CPB2: variants seen among roughly 807,000 people sequenced by gnomAD.
CPB2 encodes the protein carboxypeptidase B2.
CPB2 carries 54 observed loss-of-function variants against 57.0 expected under a neutral mutation model. The ratio of observed to expected loss-of-function variants is 0.95; its 90% confidence interval spans 0.76 to 1.19. CPB2 has a LOEUF of 1.19. Among genes scored for constraint, CPB2 ranks in the 50% most tolerant of loss-of-function variants. The pLI is 0.00. For synonymous variants in CPB2, 189 were observed against 178.1 expected (o/e 1.06, Z -0.49); for missense variants, 426 against 512.0 (o/e 0.83, Z 1.62).
At chr13:46,089,970 T>TTTCAG (rs1412123159) in intron 1 of CPB2, among the ~76,000 whole-genome samples, 3 of 152,240 alleles carry the variant, frequency 2.0e-5, no homozygotes, top group African/African-American at 7.2e-5. Context: ...GTTTTATTAG[T>TTTCAG]GATTATAGCA....
chr13:46,092,707 A>G (rs1187076969), intron 1 of CPB2, among the ~76,000 whole-genome samples: 1 of 152,178 alleles, frequency 6.6e-6, no homozygotes, highest in African/African-American at 2.4e-5. Context: ...GTTGCCAAGT[A>G]TAGGATACGG....
intron 1 of CPB2, among the ~76,000 whole-genome samples, chr13:46,090,583 C>T (rs1198167354): frequency 6.6e-6 from 1 of 151,416 alleles, no homozygotes; most frequent in Non-Finnish European, 1.5e-5. Context: ...AGGCTGGTCT[C>T]GAACTCCTGA....
chr13:46,098,128 A>G (rs1169040717), intron 1 of CPB2, among the ~76,000 whole-genome samples: 3 of 152,234 alleles, frequency 2.0e-5, no homozygotes, highest in Non-Finnish European at 4.4e-5. Flanking sequence ...TCCCTTGTCC[A>G]AATTTGATGT....
intron 7 of CPB2, among the ~76,000 whole-genome samples, chr13:46,065,626 C>CAAAA (rs397851865): frequency 3.2e-5 from 2 of 61,984 alleles, no homozygotes; most frequent in South Asian, 7.0e-4. Context: ...GACTCCGTCT[C>CAAAA]AAAAAAAAAA....
Position 46,064,735 on chromosome 13 carries a change from T to C in CPB2, c.709A>G (p.Met237Val). Reference protein sequence around the residue: ...GYDYSWKKNRMWRKNRSFYAN... With the variant: ...GYDYSWKKNRVWRKNRSFYAN... ...TAGAAAGAACGGTTCTTTCTCCACATTCGATTCTACATAAACAAAATACAA... is the reference window on the plus strand; with the variant it reads ...TAGAAAGAACGGTTCTTTCTCCACACTCGATTCTACATAAACAAAATACAA... The change falls in exon 8 of 11, where the codon ATG becomes GTG. Residue 237 changes from methionine (M) to valine (V), a missense_variant. Physicochemically the swap from Met to Val is conservative, Grantham distance 21 (BLOSUM62 1). Transcript: ENST00000181383. 1 of 1,613,772 alleles carries C rather than the reference T, an allele frequency of 6.2e-7. No individual in the cohort carries two copies. Among genetic ancestry groups the C allele is most frequent in the African/African-American group, 1.3e-5 (1 of 75,032 alleles).
intron 1 of CPB2, among the ~76,000 whole-genome samples, chr13:46,089,608 TC>T (rs1218147003): frequency 6.6e-6 from 1 of 152,108 alleles, no homozygotes; most frequent in African/African-American, 2.4e-5. Context: ...CCCCCAAAAT[TC>T]CTATGTTGAA....
chr13:46,062,036 T>A (rs1182810122), intron 8 of CPB2, among the ~76,000 whole-genome samples: 1 of 151,592 alleles, frequency 6.6e-6, no homozygotes, highest in Non-Finnish European at 1.5e-5. Context: ...TTTTTTTTTT[T>A]TTTTTTTTAG....
intron 1 of CPB2, among the ~76,000 whole-genome samples, chr13:46,094,166 C>T (rs2045333136): frequency 1.3e-5 from 2 of 152,162 alleles, no homozygotes; most frequent in South Asian, 4.1e-4. Flanking sequence ...CTTGGAGTAG[C>T]GTAGTCACCC....
At chr13:46,055,724 G>T in intron 10 of CPB2, 38 bp downstream of exon 10, 1 of 1,274,466 alleles carries the variant, frequency 7.8e-7, no homozygotes, top group Non-Finnish European at 1.1e-6. Flanking sequence ...TTCTTTAGTA[G>T]CTCAAAGTTC....
In CPB2 at chr13:46,082,489, G is replaced by C. The variant is rs747538413; in HGVS notation, c.336C>G (p.Ser112Arg). 6.2e-7 allele frequency: 1 copy of C among 1,613,582 alleles called. No individual in the cohort carries two copies. The highest frequency in any genetic ancestry group is 1.3e-5 in the African/African-American group (1 of 74,884). The change falls in exon 4 of 11, where the codon AGC becomes AGG. Residue 112 changes from serine to arginine, a missense_variant. Coordinates refer to ENST00000181383, the MANE Select transcript of CPB2 (RefSeq NM_001872.5). Reference sequence around the variant, plus strand: ...CATAGTACGATGCGGAGGCTCGGGGGCTGACTGTGTCGTTGGAAATCTGCT... The same window carrying C: ...CATAGTACGATGCGGAGGCTCGGGGCCTGACTGTGTCGTTGGAAATCTGCT... ...IQQQISNDTV[S>R]PRASASYYEQ...
chr13:46,058,500 G>A lies in CPB2; in HGVS notation c.797-119C>T, dbSNP rs965487287. The stretch of plus-strand genomic sequence containing the variant: ...CAACACTTTTAGATGAATGGATTAG[G>A]TAGGGCTCTGCAAAGAACATAGTTC... On this transcript the variant is annotated intron_variant, in intron 8 of 10. Transcript: ENST00000181383. The A allele has an allele frequency of 1.3e-5, 10 of 773,906 alleles. No homozygotes were observed. The African/African-American group carries it at 1.6e-4, about 12-fold the overall frequency. 47.9% of individuals were successfully genotyped at this position (773,906 alleles called of 1,614,324 possible). A position where few individuals can be genotyped will look rare whatever the true frequency, so the allele number is the denominator to read the frequency against.
intron 5 of CPB2, among the ~76,000 whole-genome samples, chr13:46,075,867 A>G (rs777395856): frequency 1.3e-5 from 2 of 152,218 alleles, no homozygotes; most frequent in Non-Finnish European, 1.5e-5. Context: ...GTTGTTTCCT[A>G]GTTCTGAAAA....
At chr13:46,057,876 G>A (rs531482257) in intron 9 of CPB2, among the ~76,000 whole-genome samples, 1 of 152,234 alleles carries the variant, frequency 6.6e-6, no homozygotes, top group Non-Finnish European at 1.5e-5. Context: ...TGCTTATACC[G>A]CTTCACATGC....
chr13:46,078,975 A>G, intron 4 of CPB2, 74 bp from the exon 5 acceptor site: 1 of 914,402 alleles, frequency 1.1e-6, no homozygotes, highest in East Asian at 2.5e-5. Flanking sequence ...CAAGCAGACA[A>G]CTTCTTCAGA....
At chr13:46,071,933 G>A (rs17844228) in intron 6 of CPB2, among the ~76,000 whole-genome samples, 227 of 152,276 alleles carry the variant, frequency 1.5e-3, no homozygotes, top group African/African-American at 5.3e-3. Flanking sequence ...TTTGGCAGGA[G>A]GTTAGCAGTG....
At chr13:46,056,498 T>C (rs2044698865) in intron 9 of CPB2, among the ~76,000 whole-genome samples, 1 of 152,218 alleles carries the variant, frequency 6.6e-6, no homozygotes, top group Admixed American at 6.5e-5. Flanking sequence ...CATCATGGTA[T>C]ACACTGTCAC....
Position 46,082,551 on chromosome 13 carries a change from T to A in CPB2, c.276-2A>T, listed in dbSNP as rs1313645207. ...TCTTCCACATCTGCCAGCAAGACAC[T>A]AGGTGATGAAACAGAGAGTGAGCTA... On this transcript the variant is annotated splice_acceptor_variant, in intron 3 of 10. Transcript: ENST00000181383. LOFTEE classifies it high-confidence loss of function. The A allele has an allele frequency of 6.3e-7, 1 of 1,598,256 alleles. No individual in the cohort carries two copies. The highest frequency in any genetic ancestry group is 1.1e-5 in the South Asian group (1 of 90,654).
At position 46,053,471 on chromosome 13, in the gene CPB2, T is replaced by C. The variant is rs1021015073; in HGVS notation, c.*143A>G. The C allele has an allele frequency of 1.6e-5, 21 of 1,279,466 alleles. No individual in the cohort carries two copies. Among genetic ancestry groups the C allele is most frequent in the East Asian group, 9.8e-5 (4 of 40,874 alleles). The allele number at this position is 1,279,466 out of a possible 1,614,324, so 79.3% of individuals were successfully genotyped here. A position where few individuals can be genotyped will look rare whatever the true frequency, so the allele number is the denominator to read the frequency against. ...TGCCTTAATGGCAAAGTAGCACTTA[T>C]TAGGTTCTCTGACAGAACCAAGGAA... On this transcript the variant is annotated 3_prime_UTR_variant, in exon 11 of 11. Coordinates refer to ENST00000181383, the MANE Select transcript of CPB2 (RefSeq NM_001872.5).
At chr13:46,092,501 A>G (rs547395177) in intron 1 of CPB2, among the ~76,000 whole-genome samples, 2 of 152,336 alleles carry the variant, frequency 1.3e-5, no homozygotes, top group South Asian at 2.1e-4. Flanking sequence ...AAATATTCCA[A>G]ATAAATCATC....
Sources: allele counts gnomAD v4.1 joint callset (sites outside exome capture counted in the v4.1 genomes callset), GRCh38; gene constraint gnomAD v4.1.1; transcripts MANE v1.5; gene names NCBI Gene and HGNC (gene_info 2026-07-23, HGNC 2026-07-21).